The following C1QTNF12 variants were observed in gnomAD, a reference collection of about 807,000 sequenced individuals.
C1QTNF12 encodes the protein C1q and TNF related 12, also known as adipolin.
Under a neutral mutation model 34.3 loss-of-function variants are expected in C1QTNF12, and 39 were observed. The observed-to-expected ratio is 1.14, with a 90% CI of 0.88 to 1.49. The LOEUF is 1.49. C1QTNF12 is among the 40% of genes most tolerant of loss of function. The probability of loss-of-function intolerance (pLI) is 0.00; values close to 1 mark genes in which losing one functional copy is unlikely to be tolerated. For synonymous variants in C1QTNF12, 220 were observed against 196.9 expected, an observed-to-expected ratio of 1.12 and a Z score of -0.98; for missense variants, 497 against 424.7, an observed-to-expected ratio of 1.17 and a Z score of -1.50.
In C1QTNF12 at chr1:1,246,464, C is replaced by T; in HGVS notation, c.177+50G>A. ...TGCTGGGGGAGGACGCCCCAGAGCC[C>T]CAGCTCCGAAGCTGCCCCGCGAGGG... On this transcript the variant is annotated intron_variant, in intron 1 of 7. Transcript: ENST00000330388. This position sits in a 1 kb window ranked among gnomAD's most constrained non-coding sequence, Gnocchi z 4.5. 8.2e-7 allele frequency: 1 copy of T among 1,223,322 alleles called. No individual in the cohort carries two copies. Among genetic ancestry groups the T allele is most frequent in the East Asian group, 3.2e-5 (1 of 31,528 alleles). The allele number at this position is 1,223,322 out of a possible 1,614,324, so 75.8% of individuals were successfully genotyped here.
chr1:1,246,625 G>A lies in C1QTNF12; in HGVS notation c.66C>T (p.Gly22=). ...LLGPQLVLLG[G]VGARREAQRT... ...TCTGTGCCTCCCGCCGGGCCCCGAC[G>A]CCCCCGAGGAGCACGAGCTGCGGCC... The change falls in exon 1 of 8, where the codon GGC becomes GGT. Residue 22 remains glycine (G), a synonymous_variant. Transcript: ENST00000330388. This position sits in a 1 kb window ranked among gnomAD's most constrained non-coding sequence, Gnocchi z 4.5. 2.4e-6 allele frequency: 3 copies of A among 1,241,046 alleles called. No homozygotes were observed. Among genetic ancestry groups the A allele is most frequent in the Non-Finnish European group, 3.0e-6 (3 of 992,612 alleles). 76.9% of individuals were successfully genotyped at this position (1,241,046 alleles called of 1,614,324 possible). A position where few individuals can be genotyped will look rare whatever the true frequency, so the allele number is the denominator to read the frequency against.
At position 1,244,042 on chromosome 1, in the gene C1QTNF12, C is replaced by T. The variant is rs781298337; in HGVS notation, c.443G>A (p.Arg148Gln). ...GCAGTGAAAGGCCTCGCCCACCAGC[C>T]GCAGGCCCGCCCCCTGGGGCAGCAG... ...DPLLPQGAGL[R>Q]LVGEAFHCRL... The change falls in exon 4 of 8, where the codon CGG (arginine) becomes CAG (glutamine). Residue 148 changes from arginine to glutamine, a missense_variant. Arg to Gln is a conservative substitution (Grantham distance 43). Transcript: ENST00000330388. 11 of 1,598,618 alleles carry T rather than the reference C, an allele frequency of 6.9e-6. No individual in the cohort carries two copies. Among genetic ancestry groups the T allele is most frequent in the Middle Eastern group, 1.7e-4 (1 of 5,904 alleles).
In C1QTNF12 at chr1:1,243,540, C is replaced by A; in HGVS notation, c.544G>T (p.Gly182Cys). Residue 182 changes from glycine to cysteine, a missense_variant, in exon 5 of 8, where the codon GGT becomes TGT. Physicochemically the swap from Gly to Cys is radical, Grantham distance 159. Coordinates refer to ENST00000330388, the MANE Select transcript of C1QTNF12 (RefSeq NM_001014980.3). ...LHGFQAPAAQ[G>C]AFLRGSGLSL... ...AGACCGGAGCCTCGCAGGAAGGCAC[C>A]TTGGGCAGCAGGCTGTGAGGGGCAG... 6.4e-7 allele frequency: 1 copy of A among 1,551,990 alleles called. No individual in the cohort carries two copies.
In C1QTNF12 at chr1:1,243,516, G is replaced by C; in HGVS notation, c.568C>G (p.Leu190Val). ...AQGAFLRGSG[L>V]SLASGRFTAP... ...GTGAACCGACCCGAGGCCAGGCTCA[G>C]ACCGGAGCCTCGCAGGAAGGCACCT... The change falls in exon 5 of 8, where the codon CTG becomes GTG. Residue 190 changes from leucine to valine, a missense_variant. Physicochemically the swap from Leu to Val is conservative, Grantham distance 32. Transcript: ENST00000330388. 2 of 1,556,980 alleles carry C rather than the reference G, an allele frequency of 1.3e-6. No homozygotes were observed. The highest frequency in any genetic ancestry group is 2.7e-5 in the African/African-American group (2 of 73,366).
chr1:1,243,847 G>GC, intron 4 of C1QTNF12, 107 bp downstream of exon 4: 4 of 684,186 alleles, frequency 5.8e-6, no homozygotes, highest in Non-Finnish European at 9.2e-6. Context: ...CCCGCCCCCA[G>GC]CCCCCAACCC....
Position 1,246,069 on chromosome 1 carries a change from G to A in C1QTNF12, c.177+445C>T, listed in dbSNP as rs1040083883. On this transcript the variant is annotated intron_variant, in intron 1 of 7. Coordinates refer to ENST00000330388, the MANE Select transcript of C1QTNF12 (RefSeq NM_001014980.3). This position sits in a 1 kb window ranked among gnomAD's most constrained non-coding sequence, Gnocchi z 4.5. ...CACAGGACCCCCAGAAAGCACAAGG[G>A]ACAGGCTCGCCATGGCGTCTCCAGC... Among the ~76,000 whole-genome samples the A allele has an allele frequency of 1.2e-4, 18 of 152,236 alleles. No individual in the cohort carries two copies. The highest frequency in any genetic ancestry group is 2.4e-4 in the Non-Finnish European group (16 of 67,994).
chr1:1,247,173 C>T (rs377233429), upstream of C1QTNF12, among the ~76,000 whole-genome samples: 708 of 152,278 alleles, frequency 4.6e-3, 6 homozygotes, highest in African/African-American at 0.015. Flanking sequence ...CCTACCTCCT[C>T]GCCCTCCCTG....
In C1QTNF12 at chr1:1,243,219, C is replaced by T. The variant is rs377441678; in HGVS notation, c.641-67G>A. On this transcript the variant is annotated intron_variant, in intron 5 of 7. Transcript: ENST00000330388. ...GGTGGGGGCTGGTGGGGAGGGGCTT[C>T]AGGGCACACATCCCAGGACAGGCCC... 9.7e-6 allele frequency: 10 copies of T among 1,028,570 alleles called. No individual in the cohort carries two copies. The East Asian group carries it at 1.3e-4, about 13-fold the overall frequency. 63.7% of individuals were successfully genotyped at this position (1,028,570 alleles called of 1,614,324 possible).
chr1:1,245,335 C>T (rs1465095466), intron 1 of C1QTNF12, among the ~76,000 whole-genome samples: 1 of 121,592 alleles, frequency 8.2e-6, no homozygotes, highest in East Asian at 2.4e-4. Context: ...TGACCACCAC[C>T]GCAATGTGCT....
At chr1:1,246,937 A>ATCCTCCCCTCGCCTCC (rs1553153042), upstream of C1QTNF12, among the ~76,000 whole-genome samples, 4 of 150,914 alleles carry the variant, frequency 2.7e-5, no homozygotes, top group Admixed American at 2.0e-4. The surrounding 1 kb of genome is among the most constrained non-coding windows in gnomAD (Gnocchi z 4.5). Flanking sequence ...CGCCCAGTAA[A>ATCCTCCCCTCGCCTCC]TCCTCCCCTC....
intron 1 of C1QTNF12, among the ~76,000 whole-genome samples, chr1:1,245,904 C>A (rs1220709670): frequency 1.3e-5 from 2 of 152,214 alleles, no homozygotes; most frequent in African/African-American, 4.8e-5. Context: ...GCAAGACCTG[C>A]CCTCCAAGAC....
chr1:1,244,021 T>C lies in C1QTNF12; in HGVS notation c.464A>G (p.His155Arg), dbSNP rs1402287632. ...CCGGCGGGGACCCTGCAGCCGGCAGTGAAAGGCCTCGCCCACCAGCCGCAG... is the reference window on the plus strand; with the variant it reads ...CCGGCGGGGACCCTGCAGCCGGCAGCGAAAGGCCTCGCCCACCAGCCGCAG... The part of the protein sequence containing the change: ...AGLRLVGEAF[H>R]CRLQGPRRVD... Residue 155 changes from histidine (H) to arginine (R), a missense_variant, in exon 4 of 8, where the codon CAC becomes CGC. Transcript: ENST00000330388. 1 of 1,599,146 alleles carries C rather than the reference T, an allele frequency of 6.3e-7. No individual in the cohort carries two copies.
intron 1 of C1QTNF12, among the ~76,000 whole-genome samples, chr1:1,245,829 C>T (rs1638879449): frequency 6.6e-6 from 1 of 152,294 alleles, no homozygotes; most frequent in East Asian, 1.9e-4. Flanking sequence ...GTGTGAGGGC[C>T]GGGGATGGGG....
rs202082636 is a variant in C1QTNF12, at chr1:1,243,079, G to T, written c.714C>A (p.Ser238=). The stretch of plus-strand genomic sequence containing the variant: ...TCACTCACGTGTGGCGCTGGCACAG[G>T]GACTCAATACAGATGAGAACACACA... ...DVVCVLICIE[S]LCQRHTCLEA... Residue 238 remains serine (S), a synonymous_variant, in exon 6 of 8, where the codon TCC becomes TCA. Transcript: ENST00000330388. 6.3e-6 allele frequency: 10 copies of T among 1,586,070 alleles called. No individual in the cohort carries two copies. The East Asian group carries it at 2.3e-4, about 37-fold the overall frequency.
At chr1:1,247,239 G>A (rs1638917815), upstream of C1QTNF12, among the ~76,000 whole-genome samples, 1 of 152,142 alleles carries the variant, frequency 6.6e-6, no homozygotes, top group African/African-American at 2.4e-5. Context: ...AGCCACCGGA[G>A]GGCAGCTACC....
Position 1,246,509 on chromosome 1 carries a change from C to T in C1QTNF12, c.177+5G>A, listed in dbSNP as rs1269065461. 6 of 1,232,320 alleles carry T rather than the reference C, an allele frequency of 4.9e-6. No individual in the cohort carries two copies. The highest frequency in any genetic ancestry group is 6.1e-6 in the Non-Finnish European group (6 of 987,920). 76.3% of individuals were successfully genotyped at this position (1,232,320 alleles called of 1,614,324 possible). On this transcript the variant is annotated splice_donor_5th_base_variant and intron_variant, in intron 1 of 7. Transcript: ENST00000330388. The surrounding 1 kb of genome is among the most constrained non-coding windows in gnomAD (Gnocchi z 4.5). ...CGAGGGCCCACGTGCGTCCCGGCCG[C>T]GTACCTTGGGGGCCTCGGGCAGCCC...
chr1:1,243,732 T>G (rs1638803920), intron 4 of C1QTNF12, among the ~76,000 whole-genome samples, 180 bp from the exon 5 acceptor site: 1 of 152,104 alleles, frequency 6.6e-6, no homozygotes, highest in Admixed American at 6.5e-5. Flanking sequence ...AGGGTCTCCC[T>G]GCCTCCCGGC....
At chr1:1,242,958 G>T in intron 6 of C1QTNF12, 45 bp from the exon 7 acceptor site, 1 of 1,593,780 alleles carries the variant, frequency 6.3e-7, no homozygotes, top group East Asian at 2.3e-5. Context: ...TGCAGGTCCA[G>T]GGGGCCAAGA....
rs1299718643 is a variant in C1QTNF12 at position 1,243,501 on chromosome 1, C to A, written c.583G>T (p.Gly195Cys). Reference sequence around the variant, plus strand: ...CCGGACACGGGGGCCGTGAACCGACCCGAGGCCAGGCTCAGACCGGAGCCT... The same window carrying A: ...CCGGACACGGGGGCCGTGAACCGACACGAGGCCAGGCTCAGACCGGAGCCT... ...LRGSGLSLAS[G>C]RFTAPVSGIF... The change falls in exon 5 of 8, where the codon GGT becomes TGT. Residue 195 changes from glycine to cysteine, a missense_variant. Transcript: ENST00000330388. 1.9e-6 allele frequency: 3 copies of A among 1,560,190 alleles called. No individual in the cohort carries two copies.
Sources: allele counts gnomAD v4.1 joint callset (sites outside exome capture counted in the v4.1 genomes callset), GRCh38; gene constraint gnomAD v4.1.1; non-coding constraint Gnocchi (gnomAD v3.1); transcripts MANE v1.5; gene names NCBI Gene and HGNC (gene_info 2026-07-23, HGNC 2026-07-21).